CRIM1: variants seen among roughly 807,000 people sequenced by gnomAD.
The protein encoded by CRIM1 is cysteine rich transmembrane BMP regulator 1.
CRIM1 carries 32 observed loss-of-function variants against 116.4 expected under a neutral mutation model. That is an observed-to-expected ratio of 0.27 (90% CI 0.21 to 0.37). The LOEUF is 0.37. Among genes scored for constraint, CRIM1 ranks in the 10% least tolerant of loss-of-function variants. The pLI is 1.00. For missense variants in CRIM1, 1,331 were observed against 1,354.8 expected, an observed-to-expected ratio of 0.98 and a Z score of 0.28; for synonymous variants, 590 against 509.2, an observed-to-expected ratio of 1.16 and a Z score of -2.13.
At chr2:36,513,047 C>A (rs1664796875) in intron 10 of CRIM1, among the ~76,000 whole-genome samples, 1 of 152,150 alleles carries the variant, frequency 6.6e-6, no homozygotes, top group African/African-American at 2.4e-5. Flanking sequence ...ATAAAAGATT[C>A]CTAAACTTTG....
At chr2:36,402,834 G>A (rs1021612629) in intron 2 of CRIM1, among the ~76,000 whole-genome samples, 1 of 151,834 alleles carries the variant, frequency 6.6e-6, no homozygotes, top group Non-Finnish European at 1.5e-5. Context: ...AAATTGTAGT[G>A]CCCTTTACTA....
Position 36,356,465 on chromosome 2 carries a change from G to A in CRIM1, c.173G>A (p.Gly58Asp), listed in dbSNP as rs1415261467. Residue 58 changes from glycine (G) to aspartate (D), a missense_variant, in exon 1 of 17, where the codon GGC (glycine) becomes GAC (aspartate). By Grantham distance (94) the Gly-to-Asp change is moderately conservative (BLOSUM62 -1). This residue lies in a region of CRIM1 where 690 missense variants were observed against 676.0 expected (regional missense o/e 1.02). Coordinates refer to ENST00000280527, the MANE Select transcript of CRIM1 (RefSeq NM_016441.3). The surrounding 1 kb of genome is among the most constrained non-coding windows in gnomAD (Gnocchi z 4.3). ...AACTGCCCGGGGAGCATCGTGCAGG[G>A]CGTCTGCGGCTGCTGCTACACGTGC... ...PRNCPGSIVQ[G>D]VCGCCYTCAS... The A allele has an allele frequency of 6.2e-7, 1 of 1,612,626 alleles. No homozygotes were observed. Among genetic ancestry groups the A allele is most frequent in the Non-Finnish European group, 8.5e-7 (1 of 1,179,814 alleles).
Position 36,356,415 on chromosome 2 carries a change from C to G in CRIM1, c.123C>G (p.Asp41Glu), listed in dbSNP as rs142855008. Reference protein sequence around the residue: ...GTRALVCLPCDESKCEEPRNC... With the variant: ...GTRALVCLPCEESKCEEPRNC... Reference sequence around the variant, plus strand: ...GGGCGCTGGTCTGCCTGCCCTGTGACGAGTCCAAGTGCGAGGAGCCCAGGA... The same window carrying G: ...GGGCGCTGGTCTGCCTGCCCTGTGAGGAGTCCAAGTGCGAGGAGCCCAGGA... Residue 41 changes from aspartate (D) to glutamate (E), a missense_variant, in exon 1 of 17, where the codon GAC becomes GAG. Around this residue, in one of 3 missense-constraint regions of CRIM1, gnomAD observed 690 missense variants for 676.0 expected, o/e 1.02. Transcript: ENST00000280527. This position sits in a 1 kb window ranked among gnomAD's most constrained non-coding sequence, Gnocchi z 4.3. The G allele has an allele frequency of 7.5e-6, 12 of 1,610,040 alleles. No individual in the cohort carries two copies. The highest frequency in any genetic ancestry group is 1.3e-5 in the African/African-American group (1 of 74,958).
Position 36,549,500 on chromosome 2 carries a change from AGAG to A in CRIM1, c.*804_*806del, listed in dbSNP as rs1667598183. 2.6e-5 allele frequency: 4 copies of A among 152,364 alleles called. No homozygotes were observed. Among genetic ancestry groups the A allele is most frequent in the African/African-American group, 9.7e-5 (4 of 41,352 alleles). The allele number at this position is 152,364 out of a possible 1,614,324, so 9.4% of individuals were successfully genotyped here. ...TTTTTTTTTTTACAACGTGACAGGA[AGAG>A]GAGGGAGAGGGTGACGAACACCAGG... On this transcript the variant is annotated 3_prime_UTR_variant, in exon 17 of 17. Coordinates refer to ENST00000280527, the MANE Select transcript of CRIM1 (RefSeq NM_016441.3).
intron 4 of CRIM1, among the ~76,000 whole-genome samples, chr2:36,452,116 GTTTT>G: frequency 6.9e-6 from 1 of 144,102 alleles, no homozygotes; most frequent in Non-Finnish European, 1.5e-5. Context: ...AACAGTTTGG[GTTTT>G]TTTTTTTTAA....
chr2:36,372,366 A>G (rs2148308752), intron 1 of CRIM1, among the ~76,000 whole-genome samples: 1 of 152,260 alleles, frequency 6.6e-6, no homozygotes, highest in Non-Finnish European at 1.5e-5. Flanking sequence ...TTCCACATTC[A>G]GTGTGGAATT....
At chr2:36,445,608 C>G (rs1272029574) in intron 4 of CRIM1, among the ~76,000 whole-genome samples, 1 of 152,130 alleles carries the variant, frequency 6.6e-6, no homozygotes, top group Admixed American at 6.5e-5. Context: ...TTTTCTTTTC[C>G]TCTGTATGCA....
At chr2:36,456,482 T>C (rs1677141550) in intron 4 of CRIM1, among the ~76,000 whole-genome samples, 1 of 152,212 alleles carries the variant, frequency 6.6e-6, no homozygotes. Flanking sequence ...ATGTGCCAGT[T>C]TCCCTTCCTC....
Position 36,541,234 on chromosome 2 carries a change from G to A in CRIM1, c.2624-3142G>A, listed in dbSNP as rs137957796. 3.9e-3 allele frequency among the ~76,000 whole-genome samples: 590 copies of A among 152,314 alleles called. 1 individual carries two copies. The highest frequency in any genetic ancestry group is 0.014 in the African/African-American group (563 of 41,564). ...TGCCACCTCCCAGAAATGCTGTGAGGATTATACCATCTCAGAAATGATGGT... is the reference window on the plus strand; with the variant it reads ...TGCCACCTCCCAGAAATGCTGTGAGAATTATACCATCTCAGAAATGATGGT... On this transcript the variant is annotated intron_variant, in intron 14 of 16. Transcript: ENST00000280527.
chr2:36,392,727 G>T (rs1158919634), intron 1 of CRIM1, among the ~76,000 whole-genome samples: 1 of 152,172 alleles, frequency 6.6e-6, no homozygotes, highest in East Asian at 1.9e-4. Flanking sequence ...TCAGTAGCAT[G>T]TTGTACTTGA....
At chr2:36,472,833 G>T (rs1238219232) in intron 5 of CRIM1, among the ~76,000 whole-genome samples, 1 of 152,138 alleles carries the variant, frequency 6.6e-6, no homozygotes, top group Non-Finnish European at 1.5e-5. Context: ...GGAACTTATA[G>T]TGTAGCTGCA....
chr2:36,520,721 A>G (rs1419710885), intron 12 of CRIM1, among the ~76,000 whole-genome samples: 9 of 152,208 alleles, frequency 5.9e-5, no homozygotes, highest in East Asian at 3.8e-4. Flanking sequence ...AAGGTCCACA[A>G]TGAAGTAACT....
chr2:36,476,847 A>C (rs745995096), intron 5 of CRIM1, 42 bp from the exon 6 acceptor site: 3 of 1,530,168 alleles, frequency 2.0e-6, no homozygotes, highest in Non-Finnish European at 2.7e-6. Flanking sequence ...CACAACTAAA[A>C]AATGACTACA....
intron 2 of CRIM1, among the ~76,000 whole-genome samples, chr2:36,418,103 G>A (rs1229701314): frequency 6.6e-6 from 1 of 152,206 alleles, no homozygotes; most frequent in Non-Finnish European, 1.5e-5. Context: ...GGGAACAGGT[G>A]CAGGTTAGAA....
At chr2:36,398,021 G>A (rs141262883) in intron 2 of CRIM1, among the ~76,000 whole-genome samples, 59 of 152,124 alleles carry the variant, frequency 3.9e-4, no homozygotes, top group Middle Eastern at 3.4e-3. Flanking sequence ...TCTGTTGTTC[G>A]GTTGCCCTTT....
intron 13 of CRIM1, among the ~76,000 whole-genome samples, chr2:36,533,428 A>C (rs868584118): frequency 2.0e-5 from 3 of 148,516 alleles, no homozygotes; most frequent in African/African-American, 4.9e-5. Context: ...ATCTCCACAA[A>C]AAAAAAAAAA....
At chr2:36,410,222 T>C (rs1673102882) in intron 2 of CRIM1, among the ~76,000 whole-genome samples, 1 of 152,230 alleles carries the variant, frequency 6.6e-6, no homozygotes, top group Non-Finnish European at 1.5e-5. Context: ...GGTTGACAAC[T>C]TCCTAGTTTT....
rs151323909 is a variant in CRIM1, at chr2:36,510,380, T to C, written c.1658+241T>C. Among the ~76,000 whole-genome samples the C allele has an allele frequency of 1.1e-3, 173 of 152,312 alleles. 3 individuals are homozygous for C. The East Asian group carries it at 0.025, about 22-fold the overall frequency. On this transcript the variant is annotated intron_variant, in intron 9 of 16. Coordinates refer to ENST00000280527, the MANE Select transcript of CRIM1 (RefSeq NM_016441.3). ...CCAGACACACCCTTTGTGCCTGTTA[T>C]ATGAGACTTTCCCATAGCAGAGTCC...
intron 7 of CRIM1, among the ~76,000 whole-genome samples, chr2:36,496,709 T>A (rs568082311): frequency 2.6e-5 from 4 of 152,244 alleles, no homozygotes; most frequent in African/African-American, 7.2e-5. Context: ...CCTGGAGAAA[T>A]GTGTGTTAGA....
Sources: allele counts gnomAD v4.1 joint callset (sites outside exome capture counted in the v4.1 genomes callset), GRCh38; gene constraint gnomAD v4.1.1; regional missense constraint gnomAD v4.1.1; non-coding constraint Gnocchi (gnomAD v3.1); transcripts MANE v1.5; gene names NCBI Gene and HGNC (gene_info 2026-07-23, HGNC 2026-07-21).